The following MTMR7 variants were observed in gnomAD, a reference collection of about 807,000 sequenced individuals.
MTMR7 encodes phosphatidylinositol-3-phosphate phosphatase MTMR7.
MTMR7 carries 76 observed loss-of-function variants against 81.2 expected under a neutral mutation model. That is an observed-to-expected ratio of 0.94 (90% CI 0.78 to 1.13). MTMR7 has a LOEUF of 1.13. MTMR7 is among the 50% of genes most tolerant of loss of function. The pLI is 0.00. For missense variants in MTMR7, 1,044 were observed against 820.0 expected (o/e 1.27, Z -3.34); for synonymous variants, 372 against 289.8 (o/e 1.28, Z -2.88).
At chr8:17,307,060 G>C (rs968586467) in intron 10 of MTMR7, among the ~76,000 whole-genome samples, 11 of 152,148 alleles carry the variant, frequency 7.2e-5, no homozygotes, top group Non-Finnish European at 1.2e-4. Context: ...AAACTAAAGA[G>C]CTTCTGCACA....
intron 5 of MTMR7, among the ~76,000 whole-genome samples, chr8:17,341,987 G>A (rs559873580): frequency 1.8e-4 from 27 of 151,490 alleles, no homozygotes; most frequent in Admixed American, 7.9e-4. Context: ...AATTCTAAAC[G>A]GGAAACTTTC....
chr8:17,322,349 A>G (rs1818434609), intron 7 of MTMR7, among the ~76,000 whole-genome samples: 4 of 152,210 alleles, frequency 2.6e-5, no homozygotes, highest in Non-Finnish European at 1.5e-5. Flanking sequence ...CCAATGGCCT[A>G]AAGAAAATCA....
intron 3 of MTMR7, among the ~76,000 whole-genome samples, chr8:17,364,074 G>A (rs1259253323): frequency 7.6e-6 from 1 of 131,524 alleles, no homozygotes; most frequent in Admixed American, 9.1e-5. Context: ...CTGTCGCCCA[G>A]GCTGGAGTGC....
intron 11 of MTMR7, among the ~76,000 whole-genome samples, chr8:17,304,769 T>TGTGTGTGTGTGTGTGTGTGTGTGTGTG (rs1817346604): frequency 1.6e-5 from 1 of 61,012 alleles, no homozygotes; most frequent in African/African-American, 1.3e-4. Flanking sequence ...GTGTGTGTGT[T>TGTGTGTGTGTGTGTGTGTGTGTGTGTG]AAGCTGTTCT....
intron 1 of MTMR7, among the ~76,000 whole-genome samples, chr8:17,381,243 G>A (rs1820750029): frequency 6.6e-6 from 1 of 152,074 alleles, no homozygotes; most frequent in South Asian, 2.1e-4. Flanking sequence ...TCTAGGCCAA[G>A]GCTGAAAACG....
At chr8:17,377,441 C>T (rs1820623942) in intron 1 of MTMR7, among the ~76,000 whole-genome samples, 1 of 152,070 alleles carries the variant, frequency 6.6e-6, no homozygotes, top group South Asian at 2.1e-4. Context: ...CTTTTTACCT[C>T]TTTGTGATTA....
intron 1 of MTMR7, among the ~76,000 whole-genome samples, chr8:17,398,729 T>C (rs543053147): frequency 2.0e-5 from 3 of 152,210 alleles, no homozygotes; most frequent in Non-Finnish European, 4.4e-5. Flanking sequence ...CAATAAAAGA[T>C]TAAATGAACC....
intron 6 of MTMR7, chr8:17,338,914 C>T (rs1563345276): frequency 7.0e-6 from 1 of 142,912 alleles, no homozygotes; most frequent in Non-Finnish European, 1.5e-5. Context: ...CCACACACTT[C>T]TCTCCCGCTG....
In MTMR7 at chr8:17,306,719, TGATCAGTTTTA is replaced by T. The variant is rs527311237; in HGVS notation, c.1152-773_1152-763del. Reference sequence around the variant, plus strand: ...CACCTTGAGGAAGAGGAATGAGCAATGATCAGTTTTAGAGTTTTCCCAAGAGTGGGAACATT... The same window carrying T: ...CACCTTGAGGAAGAGGAATGAGCAATGAGTTTTCCCAAGAGTGGGAACATT... On this transcript the variant is annotated intron_variant, in intron 10 of 13. Coordinates refer to ENST00000180173, the MANE Select transcript of MTMR7 (RefSeq NM_004686.5). Among the ~76,000 whole-genome samples, 7 of 152,292 alleles carry T rather than the reference TGATCAGTTTTA, an allele frequency of 4.6e-5. No homozygotes were observed. The South Asian group carries it at 1.4e-3, about 32-fold the overall frequency.
intron 10 of MTMR7, among the ~76,000 whole-genome samples, chr8:17,306,293 C>T (rs1433529793): frequency 6.6e-6 from 1 of 151,816 alleles, no homozygotes; most frequent in African/African-American, 2.4e-5. Flanking sequence ...ATAAATGTTG[C>T]ACTTTATGAG....
intron 4 of MTMR7, among the ~76,000 whole-genome samples, chr8:17,358,312 G>A (rs1334710321): frequency 6.6e-6 from 1 of 152,132 alleles, no homozygotes; most frequent in Non-Finnish European, 1.5e-5. Context: ...TAATTCACAG[G>A]AAAAGGGATA....
At chr8:17,309,190 G>A (rs751731452) in intron 10 of MTMR7, 87 bp downstream of exon 10, 6 of 912,506 alleles carry the variant, frequency 6.6e-6, no homozygotes, top group Non-Finnish European at 1.0e-5. Flanking sequence ...CAAAAAACAA[G>A]ACGATTTTCC....
At chr8:17,323,590 T>C (rs527474561) in intron 7 of MTMR7, among the ~76,000 whole-genome samples, 12 of 152,154 alleles carry the variant, frequency 7.9e-5, no homozygotes, top group Admixed American at 2.0e-4. Context: ...AAGACTGAGA[T>C]GGTGGCTGCC....
intron 1 of MTMR7, among the ~76,000 whole-genome samples, chr8:17,407,904 A>C (rs995174127): frequency 6.6e-5 from 10 of 152,294 alleles, no homozygotes; most frequent in Non-Finnish European, 1.0e-4. Context: ...GAGAAGGCAA[A>C]CCTCATGGAT....
intron 7 of MTMR7, among the ~76,000 whole-genome samples, chr8:17,324,375 C>T (rs1233120192): frequency 1.3e-5 from 2 of 152,206 alleles, no homozygotes; most frequent in African/African-American, 4.8e-5. Context: ...ATGCACTCTC[C>T]ATCTTCAGAT....
At position 17,313,400 on chromosome 8, in the gene MTMR7, C is replaced by T; in HGVS notation, c.867G>A (p.Val289=). ...MRNSLQKMLE[V]CELKSPSMSD... ...TCATGGAGGGAGATTTAAGTTCACA[C>T]ACTGCAAGATAAATCATGTTATAAA... Residue 289 remains valine (V), a splice_region_variant and synonymous_variant, in exon 8 of 14, where the codon GTG becomes GTA. Transcript: ENST00000180173. 1 of 1,603,774 alleles carries T rather than the reference C, an allele frequency of 6.2e-7. No homozygotes were observed. The highest frequency in any genetic ancestry group is 1.7e-5 in the Admixed American group (1 of 59,728).
chr8:17,346,710 C>A (rs1452490324), intron 5 of MTMR7, among the ~76,000 whole-genome samples: 1 of 147,264 alleles, frequency 6.8e-6, no homozygotes, highest in Non-Finnish European at 1.5e-5. Context: ...ATTCTACAGA[C>A]AACAATAAAA....
At chr8:17,372,820 C>T (rs1820460166) in intron 2 of MTMR7, among the ~76,000 whole-genome samples, 1 of 152,146 alleles carries the variant, frequency 6.6e-6, no homozygotes, top group African/African-American at 2.4e-5. Context: ...AATGCTGAAT[C>T]TGGCCTACTG....
intron 6 of MTMR7, 144 bp from the exon 7 acceptor site, chr8:17,331,426 T>TTG (rs1205240859): frequency 8.5e-6 from 7 of 828,164 alleles, no homozygotes; most frequent in Non-Finnish European, 1.3e-5. Context: ...CACTGCAACC[T>TTG]TGTACTGAAC....
Sources: allele counts gnomAD v4.1 joint callset (sites outside exome capture counted in the v4.1 genomes callset), GRCh38; gene constraint gnomAD v4.1.1; transcripts MANE v1.5; gene names NCBI Gene and HGNC (gene_info 2026-07-23, HGNC 2026-07-21).